The following SLC4A1AP variants were observed in gnomAD, a reference collection of about 807,000 sequenced individuals.
The protein encoded by SLC4A1AP is solute carrier family 4 member 1 adaptor protein.
Under a neutral mutation model 89.7 loss-of-function variants are expected in SLC4A1AP, and 64 were observed. The observed-to-expected ratio is 0.71, with a 90% CI of 0.58 to 0.88. The LOEUF (loss-of-function observed/expected upper bound fraction) is 0.88. SLC4A1AP is among the 40% of genes least tolerant of loss of function. The pLI is 0.00. For synonymous variants in SLC4A1AP, 366 were observed against 353.3 expected (o/e 1.04, Z -0.40); for missense variants, 931 against 965.0 (o/e 0.96, Z 0.47).
At chr2:27,694,603 A>G in intron 13 of SLC4A1AP, 31 bp from the exon 14 acceptor site, 1 of 1,504,172 alleles carries the variant, frequency 6.6e-7, no homozygotes. Context: ...AAGAGTAAAT[A>G]ATGTATTTCT....
At chr2:27,690,510 G>A (rs1029934202) in intron 12 of SLC4A1AP, among the ~76,000 whole-genome samples, 12 of 152,042 alleles carry the variant, frequency 7.9e-5, no homozygotes, top group African/African-American at 2.9e-4. Context: ...TTTTGAGACC[G>A]AGTCTTGCTC....
At chr2:27,667,172 A>T (rs1240744909) in intron 2 of SLC4A1AP, 96 bp from the exon 3 acceptor site, 1 of 1,382,600 alleles carries the variant, frequency 7.2e-7, no homozygotes, top group Non-Finnish European at 9.7e-7. Flanking sequence ...CCCAGCCTAA[A>T]CTATATCTTT....
intron 9 of SLC4A1AP, 90 bp from the exon 10 acceptor site, chr2:27,684,947 T>C: frequency 7.0e-7 from 1 of 1,425,454 alleles, no homozygotes; most frequent in Non-Finnish European, 9.5e-7. Context: ...GAGTAAACAT[T>C]CAGTACATTT....
At chr2:27,675,146 A>G (rs1675495931) in intron 5 of SLC4A1AP, among the ~76,000 whole-genome samples, 1 of 152,244 alleles carries the variant, frequency 6.6e-6, no homozygotes, top group Admixed American at 6.5e-5. Context: ...GGCATTAAGT[A>G]CATTCACAAT....
At chr2:27,690,148 T>C (rs1458805686) in intron 12 of SLC4A1AP, among the ~76,000 whole-genome samples, 2 of 152,172 alleles carry the variant, frequency 1.3e-5, no homozygotes, top group Non-Finnish European at 2.9e-5. Context: ...AAATTATACC[T>C]ATATATATAA....
At chr2:27,674,091 G>A (rs766507782) in intron 5 of SLC4A1AP, among the ~76,000 whole-genome samples, 2 of 151,964 alleles carry the variant, frequency 1.3e-5, no homozygotes, top group Non-Finnish European at 2.9e-5. Flanking sequence ...TTCTTACCCT[G>A]TGCTGAAAAG....
chr2:27,680,714 G>C (rs192892174), intron 8 of SLC4A1AP, among the ~76,000 whole-genome samples: 1 of 151,706 alleles, frequency 6.6e-6, no homozygotes, highest in Non-Finnish European at 1.5e-5. Flanking sequence ...ACCTGGGAGA[G>C]TGAGGTTGCA....
intron 13 of SLC4A1AP, 42 bp downstream of exon 13, chr2:27,693,796 T>C (rs368576298): frequency 2.0e-5 from 29 of 1,486,422 alleles, no homozygotes; most frequent in Non-Finnish European, 2.6e-5. Flanking sequence ...GTTCATTTAT[T>C]TATATTTTTG....
Position 27,669,232 on chromosome 2 carries a change from C to T in SLC4A1AP, c.1206-16C>T, listed in dbSNP as rs1223271567. 6.3e-7 allele frequency: 1 copy of T among 1,596,664 alleles called. No individual in the cohort carries two copies. The highest frequency in any genetic ancestry group is 1.8e-5 in the Admixed American group (1 of 54,466). On this transcript the variant is annotated splice_polypyrimidine_tract_variant and intron_variant, in intron 4 of 13. Coordinates refer to ENST00000613058, the Ensembl canonical transcript of SLC4A1AP. ...GAGCTTAATGCTGTGCTATAATTCC[C>T]ACCAAATCAATGAAGATTACCTGTG...
intron 4 of SLC4A1AP, 81 bp from the exon 5 acceptor site, chr2:27,669,167 G>T: frequency 7.2e-7 from 1 of 1,388,634 alleles, no homozygotes; most frequent in Non-Finnish European, 9.8e-7. Context: ...AAAAAAAAAT[G>T]ACTATTATCA....
intron 5 of SLC4A1AP, among the ~76,000 whole-genome samples, chr2:27,672,662 G>A (rs766138390): frequency 2.1e-4 from 32 of 152,000 alleles, no homozygotes; most frequent in Non-Finnish European, 3.8e-4. Context: ...TTTATTTGGG[G>A]ATGAAAAAGG....
chr2:27,694,709 C>T, exon 14 of SLC4A1AP: 5 of 1,492,392 alleles, frequency 3.4e-6, no homozygotes, highest in Non-Finnish European at 4.6e-6. Context: ...AAAAGAAAAC[C>T]TTGTGGACCA....
chr2:27,678,906 T>TG (rs1675567778), intron 8 of SLC4A1AP, among the ~76,000 whole-genome samples: 1 of 151,798 alleles, frequency 6.6e-6, no homozygotes, highest in Non-Finnish European at 1.5e-5. Flanking sequence ...TTTGTAGAGA[T>TG]GGGGTCTTGC....
chr2:27,668,619 T>G (rs1448977867), intron 3 of SLC4A1AP: 1 of 678,492 alleles, frequency 1.5e-6, no homozygotes, highest in African/African-American at 1.8e-5. Context: ...CCGGCTAATT[T>G]CTGTATTTTT....
At chr2:27,691,130 G>A (rs1675780538) in intron 12 of SLC4A1AP, among the ~76,000 whole-genome samples, 2 of 151,962 alleles carry the variant, frequency 1.3e-5, no homozygotes, top group Non-Finnish European at 2.9e-5. Flanking sequence ...ATTCTTCCTT[G>A]AATGTCTGGT....
chr2:27,682,271 C>T (rs1675631242), exon 9 of SLC4A1AP: 1 of 1,613,164 alleles, frequency 6.2e-7, no homozygotes, highest in African/African-American at 1.3e-5. Context: ...ACTACAGGTG[C>T]AGAAAACAAA....
At chr2:27,693,346 C>T in intron 12 of SLC4A1AP, 1 of 207,702 alleles carries the variant, frequency 4.8e-6, no homozygotes, top group Non-Finnish European at 9.4e-6. Context: ...AGATACTTTT[C>T]TTCCTTCATT....
At chr2:27,691,698 C>T (rs1675790885) in intron 12 of SLC4A1AP, 1 of 150,990 alleles carries the variant, frequency 6.6e-6, no homozygotes. Flanking sequence ...AAGCAATTTT[C>T]CTGCCTCAGC....
intron 5 of SLC4A1AP, among the ~76,000 whole-genome samples, chr2:27,672,454 A>G (rs1327549062): frequency 2.6e-5 from 4 of 152,102 alleles, no homozygotes; most frequent in Non-Finnish European, 5.9e-5. Flanking sequence ...GAGAAGGCTC[A>G]GAGACTCCAA....
Sources: gnomAD v4.1 joint callset for allele counts (sites outside exome capture counted in the v4.1 genomes callset) on GRCh38, gnomAD v4.1.1 for gene constraint, MANE v1.5 for transcripts, NCBI Gene and HGNC (gene_info 2026-07-23, HGNC 2026-07-21) for gene names.